The following ADAMTSL3 variants were observed in gnomAD, a reference collection of about 807,000 sequenced individuals.
ADAMTSL3 encodes the protein ADAMTS-like protein 3.
In ADAMTSL3, 128 loss-of-function variants were observed where a neutral mutation model predicts 201.7. The observed-to-expected ratio is 0.63, with a 90% CI of 0.55 to 0.73. ADAMTSL3 has a LOEUF of 0.73. Among genes scored for constraint, ADAMTSL3 ranks in the 30% least tolerant of loss-of-function variants. The probability of loss-of-function intolerance (pLI) is 0.00; values close to 1 mark genes in which losing one functional copy is unlikely to be tolerated. For missense variants in ADAMTSL3, 1,990 were observed against 2,119.6 expected (o/e 0.94, Z 1.20); for synonymous variants, 738 against 748.4 (o/e 0.99, Z 0.23).
chr15:84,030,853 C>T (rs1195235079), intron 27 of ADAMTSL3, among the ~76,000 whole-genome samples: 9 of 152,146 alleles, frequency 5.9e-5, no homozygotes, highest in Non-Finnish European at 1.3e-4. Context: ...CGACAGTTTC[C>T]CTCATGCTAT....
intron 21 of ADAMTSL3, among the ~76,000 whole-genome samples, chr15:83,985,645 T>G (rs975400319): frequency 2.6e-5 from 4 of 152,188 alleles, no homozygotes; most frequent in African/African-American, 9.7e-5. Context: ...TTTTTTCTTT[T>G]CTTTATTGAG....
chr15:83,803,099 T>C (rs1033352715), intron 4 of ADAMTSL3, among the ~76,000 whole-genome samples: 1 of 152,192 alleles, frequency 6.6e-6, no homozygotes, highest in Admixed American at 6.5e-5. Context: ...AGAAAATGCT[T>C]ATCATATTAG....
intron 19 of ADAMTSL3, among the ~76,000 whole-genome samples, chr15:83,969,004 G>A (rs971486253): frequency 6.6e-6 from 1 of 152,100 alleles, no homozygotes; most frequent in South Asian, 2.1e-4. Flanking sequence ...GGCCTGTCAG[G>A]GGGTGGGGGG....
chr15:83,810,574 G>A (rs1196729871), intron 5 of ADAMTSL3, among the ~76,000 whole-genome samples: 1 of 152,142 alleles, frequency 6.6e-6, no homozygotes, highest in African/African-American at 2.4e-5. Context: ...GGTCCTACTG[G>A]GCTAAAACTA....
chr15:84,037,641 A>G (rs2141953048), intron 29 of ADAMTSL3, 59 bp from the exon 30 acceptor site: 1 of 1,485,426 alleles, frequency 6.7e-7, no homozygotes. Context: ...AAAGTCAAAT[A>G]ATTTTTAATT....
At chr15:83,899,617 G>A (rs754065590) in intron 14 of ADAMTSL3, 30 bp from the exon 15 acceptor site, 2 of 1,597,398 alleles carry the variant, frequency 1.3e-6, no homozygotes, top group Admixed American at 3.4e-5. Flanking sequence ...ATAGTAATTA[G>A]GCTCATTGTT....
chr15:83,682,250 A>C (rs772743801), intron 2 of ADAMTSL3, among the ~76,000 whole-genome samples: 2 of 152,128 alleles, frequency 1.3e-5, no homozygotes, highest in Non-Finnish European at 2.9e-5. Context: ...ATCAGAGATC[A>C]TGGAGCCTGA....
intron 3 of ADAMTSL3, among the ~76,000 whole-genome samples, chr15:83,718,706 A>C (rs2062053559): frequency 1.3e-5 from 2 of 151,964 alleles, no homozygotes; most frequent in Admixed American, 1.3e-4. Context: ...AAAAAAAAAA[A>C]AATTGGGACA....
At chr15:83,926,959 A>C (rs2066257573) in intron 17 of ADAMTSL3, among the ~76,000 whole-genome samples, 1 of 151,906 alleles carries the variant, frequency 6.6e-6, no homozygotes. Context: ...CCCTTTCTAT[A>C]TTTGTAGCCA....
intron 23 of ADAMTSL3, 94 bp from the exon 24 acceptor site, chr15:84,014,448 C>A: frequency 8.4e-7 from 1 of 1,194,018 alleles, no homozygotes; most frequent in Non-Finnish European, 1.2e-6. Flanking sequence ...CATATGCTGA[C>A]TTACGGTCAA....
At chr15:83,827,463 C>T (rs538034355) in intron 6 of ADAMTSL3, among the ~76,000 whole-genome samples, 2 of 152,112 alleles carry the variant, frequency 1.3e-5, no homozygotes, top group African/African-American at 4.8e-5. Flanking sequence ...CTATAGGTTG[C>T]CTGTTCACTC....
At chr15:83,918,733 A>T (rs1415854830) in intron 16 of ADAMTSL3, among the ~76,000 whole-genome samples, 8 of 152,216 alleles carry the variant, frequency 5.3e-5, no homozygotes. Context: ...TCCCAAGATC[A>T]ATGGGAAGTC....
intron 19 of ADAMTSL3, among the ~76,000 whole-genome samples, chr15:83,968,782 G>A (rs1172745734): frequency 6.6e-6 from 1 of 152,164 alleles, no homozygotes; most frequent in Admixed American, 6.5e-5. Context: ...ATAATAGACT[G>A]GATAAAGAAA....
chr15:83,845,480 A>G (rs1432757378), intron 7 of ADAMTSL3, among the ~76,000 whole-genome samples: 1 of 152,210 alleles, frequency 6.6e-6, no homozygotes, highest in African/African-American at 2.4e-5. Flanking sequence ...GACTGGGGTA[A>G]TAACCTCAGT....
At chr15:83,847,495 C>CTTT (rs34900690) in intron 7 of ADAMTSL3, among the ~76,000 whole-genome samples, 1 of 137,936 alleles carries the variant, frequency 7.2e-6, no homozygotes, top group African/African-American at 2.7e-5. Flanking sequence ...TGCCAGGTAA[C>CTTT]TTTTTTTTTT....
chr15:83,805,113 T>A (rs2141865733), intron 5 of ADAMTSL3, among the ~76,000 whole-genome samples: 1 of 152,284 alleles, frequency 6.6e-6, no homozygotes, highest in South Asian at 2.1e-4. Context: ...AAGAGTAGAC[T>A]TACTTGAACT....
chr15:83,684,921 AATT>A (rs1054004178), intron 2 of ADAMTSL3, among the ~76,000 whole-genome samples: 3 of 152,164 alleles, frequency 2.0e-5, no homozygotes, highest in African/African-American at 7.2e-5. Context: ...CTTTTGGAAA[AATT>A]ATTAGGTAAA....
intron 2 of ADAMTSL3, among the ~76,000 whole-genome samples, chr15:83,688,751 T>C (rs796246203): frequency 0.073 from 8,314 of 114,606 alleles, 519 homozygotes; most frequent in African/African-American, 0.19. Context: ...CACATGCATA[T>C]ATATACACAC....
In ADAMTSL3 at chr15:84,021,484, C is replaced by T; in HGVS notation, c.4348C>T (p.Pro1450Ser). ...CGHLGARIQR[P>S]QCVMANGQEV... ...TCATTTGGGAGCCCGCATTCAGAGA[C>T]CCCAGTGTGTGATGGCCAATGGGCA... Residue 1450 changes from proline to serine, a missense_variant, in exon 26 of 30, where the codon CCC becomes TCC. By Grantham distance (74) the Pro-to-Ser change is moderately conservative (BLOSUM62 -1). Transcript: ENST00000286744. 1.2e-6 allele frequency: 2 copies of T among 1,614,108 alleles called. No individual in the cohort carries two copies. The highest frequency in any genetic ancestry group is 1.1e-5 in the South Asian group (1 of 91,066).
Sources: gnomAD v4.1 joint callset for allele counts (sites outside exome capture counted in the v4.1 genomes callset) on GRCh38, gnomAD v4.1.1 for gene constraint, MANE v1.5 for transcripts, NCBI Gene and HGNC (gene_info 2026-07-23, HGNC 2026-07-21) for gene names.